Variants in ANO4 observed in about 807,000 individuals in gnomAD.
ANO4 encodes the protein anoctamin-4.
ANO4 carries 69 observed loss-of-function variants against 141.9 expected under a neutral mutation model. The observed-to-expected ratio is 0.49, with a 90% CI of 0.40 to 0.59. ANO4 has a LOEUF of 0.59. Among genes scored for constraint, ANO4 ranks in the 20% least tolerant of loss-of-function variants. The pLI, the probability that ANO4 is intolerant of heterozygous loss-of-function variation, is 0.00. For missense variants in ANO4, 894 were observed against 1,162.2 expected, an observed-to-expected ratio of 0.77 and a Z score of 3.36; for synonymous variants, 350 against 394.3, an observed-to-expected ratio of 0.89 and a Z score of 1.33.
chr12:100,732,964 T>C (rs956508343), intron 1 of ANO4, among the ~76,000 whole-genome samples: 1 of 152,212 alleles, frequency 6.6e-6, no homozygotes, highest in Non-Finnish European at 1.5e-5. Flanking sequence ...TGCTGCACTT[T>C]TAGCTTTTGA....
At chr12:100,784,100 T>A (rs1751105342) in intron 3 of ANO4, among the ~76,000 whole-genome samples, 1 of 152,192 alleles carries the variant, frequency 6.6e-6, no homozygotes, top group African/African-American at 2.4e-5. Context: ...ACCCCTTGTC[T>A]TCCGCCATCT....
intron 17 of ANO4, among the ~76,000 whole-genome samples, chr12:101,092,583 G>A (rs2049823535): frequency 6.6e-6 from 1 of 152,086 alleles, no homozygotes; most frequent in Non-Finnish European, 1.5e-5. Context: ...ATGTCTCACA[G>A]TCCATATCCT....
chr12:100,959,393 T>C (rs914636813), intron 5 of ANO4, among the ~76,000 whole-genome samples: 3 of 152,184 alleles, frequency 2.0e-5, no homozygotes, highest in South Asian at 2.1e-4. Flanking sequence ...ACTCACAAGA[T>C]GAAAAATCTC....
intron 3 of ANO4, among the ~76,000 whole-genome samples, chr12:100,766,576 A>G (rs997377073): frequency 4.6e-5 from 7 of 152,044 alleles, no homozygotes; most frequent in Non-Finnish European, 5.9e-5. Context: ...ATTGATTTCT[A>G]TTTTTATACT....
intron 13 of ANO4, 126 bp downstream of exon 13, chr12:101,043,761 A>G (rs1031328215): frequency 1.5e-6 from 1 of 676,312 alleles, no homozygotes; most frequent in African/African-American, 1.8e-5. Flanking sequence ...GGATAGACTT[A>G]TCTCCATCAT....
intron 9 of ANO4, among the ~76,000 whole-genome samples, chr12:101,028,371 A>G (rs1312737959): frequency 6.6e-6 from 1 of 152,218 alleles, no homozygotes; most frequent in Non-Finnish European, 1.5e-5. Flanking sequence ...ATGGGTAACA[A>G]AAAACTCCAC....
At chr12:100,767,604 G>A (rs940181693) in intron 3 of ANO4, among the ~76,000 whole-genome samples, 1 of 152,168 alleles carries the variant, frequency 6.6e-6, no homozygotes, top group African/African-American at 2.4e-5. Flanking sequence ...TGGATAAAGG[G>A]ATGATTCATT....
At chr12:100,955,268 T>C (rs559355357) in intron 5 of ANO4, among the ~76,000 whole-genome samples, 1 of 152,354 alleles carries the variant, frequency 6.6e-6, no homozygotes, top group South Asian at 2.1e-4. Flanking sequence ...GTCTGCTCCA[T>C]AGGACATCAG....
At chr12:100,988,942 A>C (rs1798509573) in intron 8 of ANO4, among the ~76,000 whole-genome samples, 1 of 152,004 alleles carries the variant, frequency 6.6e-6, no homozygotes, top group Non-Finnish European at 1.5e-5. Context: ...AAGAAGTTGC[A>C]GGGAGTGCCA....
At chr12:101,063,743 A>ATTTTTTT (rs2048445698) in intron 14 of ANO4, among the ~76,000 whole-genome samples, 6 of 12,090 alleles carry the variant, frequency 5.0e-4, no homozygotes, top group African/African-American at 2.2e-3. Flanking sequence ...TGTCCAGGTT[A>ATTTTTTT]TCTTTTTTTT....
At chr12:100,859,700 A>G (rs2038373554) in intron 1 of ANO4, among the ~76,000 whole-genome samples, 1 of 152,170 alleles carries the variant, frequency 6.6e-6, no homozygotes, top group African/African-American at 2.4e-5. Context: ...GTGTTATATA[A>G]TAGATCTGCC....
chr12:101,077,339 G>A lies in ANO4; in HGVS notation c.1313-1854G>A, dbSNP rs183872003. ...TGCACCTTTTCCCTTTGCAGATTTTGCTTTATAGTGTTTCACTGTAATAAA... is the reference window on the plus strand; with the variant it reads ...TGCACCTTTTCCCTTTGCAGATTTTACTTTATAGTGTTTCACTGTAATAAA... On this transcript the variant is annotated intron_variant, in intron 14 of 27. Coordinates refer to ENST00000392977, the MANE Select transcript of ANO4 (RefSeq NM_001286615.2). Among the ~76,000 whole-genome samples the A allele has an allele frequency of 1.7e-3, 265 of 152,200 alleles. 1 individual carries two copies. Among genetic ancestry groups the A allele is most frequent in the Non-Finnish European group, 2.8e-3 (193 of 68,014 alleles).
chr12:101,068,097 A>G (rs1051194596), intron 14 of ANO4, among the ~76,000 whole-genome samples: 20 of 152,232 alleles, frequency 1.3e-4, no homozygotes, highest in African/African-American at 4.1e-4. Flanking sequence ...CAAAGTGAAT[A>G]CAGGAAGATA....
chr12:101,125,286 G>C (rs980497848), intron 26 of ANO4, among the ~76,000 whole-genome samples: 11 of 152,050 alleles, frequency 7.2e-5, no homozygotes, highest in Admixed American at 2.6e-4. Flanking sequence ...TTAGTGGTTA[G>C]GAATACTAAT....
intron 1 of ANO4, among the ~76,000 whole-genome samples, chr12:100,871,631 T>C (rs1055025026): frequency 2.0e-5 from 3 of 152,182 alleles, no homozygotes; most frequent in African/African-American, 7.2e-5. Context: ...ACAACAGAAA[T>C]TTATCTCTTG....
chr12:100,872,918 A>G (rs1398450156), intron 1 of ANO4, among the ~76,000 whole-genome samples: 1 of 152,112 alleles, frequency 6.6e-6, no homozygotes, highest in Non-Finnish European at 1.5e-5. Context: ...AGGTGATTTG[A>G]TCATGGGGGC....
intron 8 of ANO4, among the ~76,000 whole-genome samples, chr12:101,006,870 G>T (rs546219579): frequency 5.6e-4 from 85 of 152,274 alleles, no homozygotes; most frequent in Non-Finnish European, 1.1e-3. Context: ...AATTATATTT[G>T]CAAACTTTTG....
At chr12:100,949,141 G>A (rs1461089524) in intron 5 of ANO4, among the ~76,000 whole-genome samples, 2 of 152,124 alleles carry the variant, frequency 1.3e-5, no homozygotes, top group South Asian at 4.2e-4. Context: ...TTCTTCAGTT[G>A]AGCCACTGAT....
intron 1 of ANO4, among the ~76,000 whole-genome samples, chr12:100,901,417 C>T (rs981316176): frequency 5.3e-5 from 8 of 152,104 alleles, no homozygotes; most frequent in Non-Finnish European, 7.4e-5. Context: ...GCACATTTTC[C>T]CAGCATTTTG....
Sources: gnomAD v4.1 joint callset for allele counts (sites outside exome capture counted in the v4.1 genomes callset) on GRCh38, gnomAD v4.1.1 for gene constraint, MANE v1.5 for transcripts, NCBI Gene and HGNC (gene_info 2026-07-23, HGNC 2026-07-21) for gene names.